TNK2: variants seen among roughly 807,000 people sequenced by gnomAD.
The protein encoded by TNK2 is tyrosine kinase non receptor 2.
Under a neutral mutation model 101.8 loss-of-function variants are expected in TNK2, and 83 were observed. That is an observed-to-expected ratio of 0.82 (90% CI 0.68 to 0.98). TNK2 has a LOEUF of 0.98. Among genes scored for constraint, TNK2 ranks in the 50% least tolerant of loss-of-function variants. The pLI is 0.00. For synonymous variants in TNK2, 804 were observed against 633.0 expected (o/e 1.27, Z -4.06); for missense variants, 1,665 against 1,483.2 (o/e 1.12, Z -2.01).
At chr3:195,876,892 C>T (rs1365864507) in intron 9 of TNK2, among the ~76,000 whole-genome samples, 1 of 152,204 alleles carries the variant, frequency 6.6e-6, no homozygotes, top group Non-Finnish European at 1.5e-5. Flanking sequence ...CTGAGTCACC[C>T]CTGGGGACAC....
At chr3:195,901,672 T>C (rs981721248) in intron 1 of TNK2, among the ~76,000 whole-genome samples, 1 of 152,104 alleles carries the variant, frequency 6.6e-6, no homozygotes, top group African/African-American at 2.4e-5. Flanking sequence ...GAAGACACTA[T>C]GCGCCAGCTC....
intron 1 of TNK2, chr3:195,892,777 C>CACCCAACT: frequency 2.5e-6 from 3 of 1,223,750 alleles, no homozygotes; most frequent in Non-Finnish European, 3.1e-6. Context: ...CCGGCTTCCC[C>CACCCAACT]ACCCAACTGC....
At chr3:195,897,826 C>T (rs1284522630) in intron 1 of TNK2, among the ~76,000 whole-genome samples, 1 of 135,724 alleles carries the variant, frequency 7.4e-6, no homozygotes, top group African/African-American at 2.7e-5. Context: ...CCACCCCCCC[C>T]CCACCCCCCG....
chr3:195,870,973 G>GGGTTCTGGTGTGTGGGGGCCCACTGTGT (rs1744796692), intron 10 of TNK2, among the ~76,000 whole-genome samples: 1 of 129,298 alleles, frequency 7.7e-6, no homozygotes, highest in African/African-American at 2.8e-5. Flanking sequence ...CTCGCTGTGT[G>GGGTTCTGGTGTGTGGGGGCCCACTGTGT]GGGTTCTGGT....
Position 195,864,180 on chromosome 3 carries a change from C to A in TNK2, c.*1G>T. 6.2e-7 allele frequency: 1 copy of A among 1,614,008 alleles called. No individual in the cohort carries two copies. The highest frequency in any genetic ancestry group is 2.2e-5 in the East Asian group (1 of 44,874). ...AGGCCCTCTGGCTCTCCAGACGCATCTCAGCGCCTAGAGAATGGGAAACCA... is the reference window on the plus strand; with the variant it reads ...AGGCCCTCTGGCTCTCCAGACGCATATCAGCGCCTAGAGAATGGGAAACCA... On this transcript the variant is annotated 3_prime_UTR_variant, in exon 16 of 16. Coordinates refer to ENST00000672887, the MANE Select transcript of TNK2 (RefSeq NM_001382273.1).
chr3:195,899,251 T>TTAA (rs1357465486), intron 1 of TNK2, among the ~76,000 whole-genome samples: 1 of 152,240 alleles, frequency 6.6e-6, no homozygotes, highest in African/African-American at 2.4e-5. Flanking sequence ...CAAATGGTTA[T>TTAA]CTCTGCTGTT....
At chr3:195,895,809 T>A (rs910569464) in intron 1 of TNK2, 2 of 175,452 alleles carry the variant, frequency 1.1e-5, no homozygotes, top group African/African-American at 2.4e-5. Context: ...TGAGACCCCC[T>A]CCTCCGAGGC....
At chr3:195,892,662 C>G (rs1011976940) in intron 1 of TNK2, 2 of 1,389,752 alleles carry the variant, frequency 1.4e-6, no homozygotes, top group Non-Finnish European at 1.8e-6. Flanking sequence ...CACAGCTGGC[C>G]GGTCTGGCAG....
chr3:195,897,471 T>C (rs974843826), intron 1 of TNK2, among the ~76,000 whole-genome samples: 5 of 152,196 alleles, frequency 3.3e-5, no homozygotes, highest in Non-Finnish European at 7.4e-5. Context: ...GCTAGGCCCA[T>C]GGTCCAGCCC....
intron 9 of TNK2, among the ~76,000 whole-genome samples, chr3:195,873,609 A>G (rs1747017739): frequency 6.6e-6 from 1 of 151,910 alleles, no homozygotes; most frequent in Non-Finnish European, 1.5e-5. Flanking sequence ...CTCCCCACCA[A>G]CCCCCACTTC....
chr3:195,902,815 T>C (rs1043147777), intron 1 of TNK2, among the ~76,000 whole-genome samples: 18 of 151,864 alleles, frequency 1.2e-4, no homozygotes, highest in Non-Finnish European at 2.2e-4. Flanking sequence ...AGTGGCGCAA[T>C]CTCGGCTCGC....
At position 195,878,278 on chromosome 3, in the gene TNK2, C is replaced by T. The variant is rs1560504633; in HGVS notation, c.1231G>A (p.Asp411Asn). The change falls in exon 9 of 16, where the codon GAT becomes AAT. Residue 411 changes from aspartate to asparagine, a missense_variant. Physicochemically the swap from Asp to Asn is conservative, Grantham distance 23. Coordinates refer to ENST00000672887, the MANE Select transcript of TNK2 (RefSeq NM_001382273.1). This position sits in a 1 kb window ranked among gnomAD's most constrained non-coding sequence, Gnocchi z 4.7. The stretch of plus-strand genomic sequence containing the variant: ...CTTCCCTCGATGACGGTGATGACAT[C>T]ATTCATCTGGATGTGCAGCTTGTCC... Reference protein sequence around the residue: ...EPDKLHIQMNDVITVIEGRAE... With the variant: ...EPDKLHIQMNNVITVIEGRAE... The T allele has an allele frequency of 6.2e-7, 1 of 1,614,172 alleles. No individual in the cohort carries two copies. Among genetic ancestry groups the T allele is most frequent in the Non-Finnish European group, 8.5e-7 (1 of 1,180,020 alleles).
At position 195,867,761 on chromosome 3, in the gene TNK2, T is replaced by TG. The variant is rs1323029049; in HGVS notation, c.2536dup (p.Gln846ProfsTer48). On this transcript the variant is annotated frameshift_variant, in exon 13 of 16. Coordinates refer to ENST00000672887, the MANE Select transcript of TNK2 (RefSeq NM_001382273.1). LOFTEE classifies it high-confidence loss of function. Reference sequence around the variant, plus strand: ...CCGCGGGCCAGGGGCCTGGATCACCTGGGGGGTGGCGTACTTGGGGTCTGA... The same window carrying TG: ...CCGCGGGCCAGGGGCCTGGATCACCTGGGGGGGTGGCGTACTTGGGGTCTGA... 1 of 1,588,448 alleles carries TG rather than the reference T, an allele frequency of 6.3e-7. No individual in the cohort carries two copies. Among genetic ancestry groups the TG allele is most frequent in the Admixed American group, 1.8e-5 (1 of 54,810 alleles).
chr3:195,891,189 C>A (rs1468378808), intron 1 of TNK2, among the ~76,000 whole-genome samples: 3 of 152,156 alleles, frequency 2.0e-5, no homozygotes, highest in Non-Finnish European at 4.4e-5. Flanking sequence ...CTGAGGTGGG[C>A]GGATCACCTG....
intron 1 of TNK2, chr3:195,891,767 G>A: frequency 4.7e-6 from 1 of 213,172 alleles, no homozygotes; most frequent in Non-Finnish European, 8.1e-6. Flanking sequence ...AAGGATCCAG[G>A]CCCCCTCCTC....
At position 195,870,138 on chromosome 3, in the gene TNK2, G is replaced by GA. The variant is rs945559003; in HGVS notation, c.1518_1519insT (p.Pro507SerfsTer28). The GA allele has an allele frequency of 2.0e-6, 3 of 1,473,740 alleles. No homozygotes were observed. The highest frequency in any genetic ancestry group is 1.4e-5 in the African/African-American group (1 of 70,840). 91.3% of individuals were successfully genotyped at this position (1,473,740 alleles called of 1,614,324 possible). On this transcript the variant is annotated frameshift_variant, in exon 11 of 16. Coordinates refer to ENST00000672887, the MANE Select transcript of TNK2 (RefSeq NM_001382273.1). LOFTEE classifies it high-confidence loss of function. ...CTTTTCACCCCTCCTAGATGCTGGG[G>GA]GGGCCGGGAGGTGCTCAGTTCCACG...
chr3:195,871,903 G>A (rs12495019), intron 10 of TNK2, among the ~76,000 whole-genome samples: 3 of 121,882 alleles, frequency 2.5e-5, no homozygotes, highest in African/African-American at 1.1e-4. Context: ...CCTGGAGAAC[G>A]CTCCCCGGAG....
intron 10 of TNK2, 55 bp downstream of exon 10, chr3:195,872,221 G>A: frequency 1.3e-6 from 2 of 1,597,956 alleles, no homozygotes; most frequent in Non-Finnish European, 1.7e-6. Flanking sequence ...CCGTGCTGAG[G>A]GCCCTGGAGT....
chr3:195,906,034 CA>C (rs1761677620), intron 1 of TNK2, among the ~76,000 whole-genome samples: 1 of 152,082 alleles, frequency 6.6e-6, no homozygotes, highest in African/African-American at 2.4e-5. Context: ...GACACAGCAC[CA>C]AAGACATACG....
Sources: allele counts gnomAD v4.1 joint callset (sites outside exome capture counted in the v4.1 genomes callset), GRCh38; gene constraint gnomAD v4.1.1; non-coding constraint Gnocchi (gnomAD v3.1); transcripts MANE v1.5; gene names NCBI Gene and HGNC (gene_info 2026-07-23, HGNC 2026-07-21).